ADA: variants seen among roughly 807,000 people sequenced by gnomAD.
ADA encodes the protein adenosine aminohydrolase.
In ADA, 45 loss-of-function variants were observed where a neutral mutation model predicts 49.0. That is an observed-to-expected ratio of 0.92 (90% CI 0.72 to 1.18). The LOEUF is 1.18. Among genes scored for constraint, ADA ranks in the 50% most tolerant of loss-of-function variants. The pLI is 0.00. For missense variants in ADA, 445 were observed against 472.5 expected (o/e 0.94, Z 0.54); for synonymous variants, 173 against 184.2 (o/e 0.94, Z 0.49).
chr20:44,641,197 G>C (rs2065530453), intron 1 of ADA, among the ~76,000 whole-genome samples: 1 of 152,158 alleles, frequency 6.6e-6, no homozygotes, highest in Non-Finnish European at 1.5e-5. Flanking sequence ...AGCACGGGAA[G>C]TTCTGGCCAG....
At chr20:44,645,644 C>A (rs2065584083) in intron 1 of ADA, among the ~76,000 whole-genome samples, 1 of 152,108 alleles carries the variant, frequency 6.6e-6, no homozygotes, top group South Asian at 2.1e-4. Context: ...AGGACCATTA[C>A]CAACCATGAT....
chr20:44,641,866 C>G (rs2145349704), intron 1 of ADA, among the ~76,000 whole-genome samples: 1 of 151,392 alleles, frequency 6.6e-6, no homozygotes, highest in South Asian at 2.1e-4. Flanking sequence ...CTCCCAGGTT[C>G]AAGGGATTCT....
chr20:44,642,650 C>A (rs909172039), intron 1 of ADA, among the ~76,000 whole-genome samples: 1 of 152,068 alleles, frequency 6.6e-6, no homozygotes, highest in Non-Finnish European at 1.5e-5. Context: ...GGGTTTTCCA[C>A]CCAAGTGTGT....
chr20:44,620,670 C>T (rs558585289), intron 10 of ADA: 30 of 574,560 alleles, frequency 5.2e-5, no homozygotes, highest in South Asian at 3.6e-4. Context: ...AGAGACACCT[C>T]GCAGACACGT....
Position 44,651,693 on chromosome 20 carries a change from G to A in ADA, c.-86C>T. 1.5e-6 allele frequency: 2 copies of A among 1,368,048 alleles called. No homozygotes were observed. The highest frequency in any genetic ancestry group is 9.4e-7 in the Non-Finnish European group (1 of 1,067,366). The allele number at this position is 1,368,048 out of a possible 1,614,324, so 84.7% of individuals were successfully genotyped here. On this transcript the variant is annotated 5_prime_UTR_variant, in exon 1 of 12. Transcript: ENST00000372874. ...TCGGTGGCCGCTCGGCTTTCCCTGG[G>A]GCCAGCGGTGGCCGCGGCCGGCCAC...
intron 5 of ADA, among the ~76,000 whole-genome samples, chr20:44,625,211 C>A (rs931241881): frequency 2.6e-5 from 4 of 152,138 alleles, no homozygotes; most frequent in African/African-American, 7.2e-5. Context: ...GGAAATCAGA[C>A]CTATTCAGGC....
At chr20:44,649,690 G>C (rs1433833925) in intron 1 of ADA, among the ~76,000 whole-genome samples, 2 of 145,456 alleles carry the variant, frequency 1.4e-5, no homozygotes, top group Non-Finnish European at 3.0e-5. Flanking sequence ...GGGCCCTGCT[G>C]TTCTCTCCAT....
intron 2 of ADA, among the ~76,000 whole-genome samples, chr20:44,634,243 G>A (rs1035468170): frequency 6.6e-6 from 1 of 152,220 alleles, no homozygotes; most frequent in Non-Finnish European, 1.5e-5. Context: ...GCAAGTTGGC[G>A]GCTTGACATG....
chr20:44,632,898 T>C (rs1261555575), intron 2 of ADA, among the ~76,000 whole-genome samples: 1 of 152,250 alleles, frequency 6.6e-6, no homozygotes, highest in East Asian at 1.9e-4. Flanking sequence ...TTCCCCATGT[T>C]GGCCACGCTG....
intron 2 of ADA, among the ~76,000 whole-genome samples, chr20:44,630,577 G>A (rs776430536): frequency 1.3e-5 from 2 of 152,152 alleles, no homozygotes; most frequent in African/African-American, 4.8e-5. Context: ...CAACTGTCAC[G>A]ATGTAAGAAA....
chr20:44,626,723 GCATCCACT>G, intron 3 of ADA, 124 bp from the exon 4 acceptor site: 2 of 1,203,596 alleles, frequency 1.7e-6, no homozygotes, highest in Non-Finnish European at 2.4e-6. Flanking sequence ...CAAGCTCTGG[GCATCCACT>G]GGATAAGATC....
intron 11 of ADA, among the ~76,000 whole-genome samples, 177 bp from the exon 12 acceptor site, chr20:44,620,024 C>T (rs996768622): frequency 1.3e-5 from 2 of 152,248 alleles, no homozygotes; most frequent in African/African-American, 4.8e-5. Context: ...TCTCCCTGCC[C>T]TTGGCTTTGG....
chr20:44,634,297 T>G (rs1385450328), intron 2 of ADA, among the ~76,000 whole-genome samples: 1 of 152,228 alleles, frequency 6.6e-6, no homozygotes, highest in Non-Finnish European at 1.5e-5. Context: ...TCACCCCACT[T>G]AGAGATATAA....
In ADA at chr20:44,626,505, G is replaced by A. The variant is rs201522960; in HGVS notation, c.313C>T (p.His105Tyr). The A allele has an allele frequency of 5.0e-6, 8 of 1,614,138 alleles. No individual in the cohort carries two copies. The Admixed American group carries it at 6.7e-5, about 13-fold the overall frequency. ...VVYVEVRYSP[H>Y]LLANSKVEPI... ...TCCACTTTGGAGTTGGCCAGCAGGT[G>A]CGGACTGTACCGCACCTCCACATAC... The change falls in exon 4 of 12, where the codon CAC becomes TAC. Residue 105 changes from histidine to tyrosine, a missense_variant. Coordinates refer to ENST00000372874, the MANE Select transcript of ADA (RefSeq NM_000022.4).
chr20:44,622,705 C>A (rs904398666), intron 8 of ADA, 53 bp from the exon 9 acceptor site: 2 of 1,613,244 alleles, frequency 1.2e-6, no homozygotes, highest in Non-Finnish European at 1.7e-6. Flanking sequence ...ATGCTGATTC[C>A]TCCCCCCATG....
rs573759609 is a variant in ADA at position 44,644,830 on chromosome 20, A to G, written c.33+6745T>C. Among the ~76,000 whole-genome samples, 10 of 152,340 alleles carry G rather than the reference A, an allele frequency of 6.6e-5. No homozygotes were observed. In the East Asian group the frequency reaches 1.9e-3, roughly 29 times the overall value. ...GTGTCTCCTGCTGACGGGGCCTGACAGCTCTGCTGCTGAGAGGTTTCACAG... is the reference window on the plus strand; with the variant it reads ...GTGTCTCCTGCTGACGGGGCCTGACGGCTCTGCTGCTGAGAGGTTTCACAG... On this transcript the variant is annotated intron_variant, in intron 1 of 11. Transcript: ENST00000372874.
intron 1 of ADA, among the ~76,000 whole-genome samples, chr20:44,647,635 T>C (rs117570569): frequency 6.6e-6 from 1 of 152,098 alleles, no homozygotes; most frequent in East Asian, 1.9e-4. Flanking sequence ...TAAAAGTTAC[T>C]AGCCGGGCAC....
chr20:44,619,783 C>T lies in ADA; in HGVS notation c.*51G>A. ...ATAAATGTAAAAATGTTGCTCAGCC[C>T]CACAGAGTTGGGGTGACTCCACAGG... On this transcript the variant is annotated 3_prime_UTR_variant, in exon 12 of 12. Transcript: ENST00000372874. 6.2e-7 allele frequency: 1 copy of T among 1,612,764 alleles called. No individual in the cohort carries two copies.
In ADA at chr20:44,622,999, G is replaced by GC. The variant is rs2065347505; in HGVS notation, c.678+7dup. The stretch of plus-strand genomic sequence containing the variant: ...AGGAGGGACCCCATGGCCAGCCCAG[G>GC]CCCTCACCTCTTTTACTACTTCGGC... On this transcript the variant is annotated splice_region_variant and intron_variant, in intron 7 of 11. Coordinates refer to ENST00000372874, the MANE Select transcript of ADA (RefSeq NM_000022.4). 1 of 1,614,182 alleles carries GC rather than the reference G, an allele frequency of 6.2e-7. No homozygotes were observed. Among genetic ancestry groups the GC allele is most frequent in the East Asian group, 2.2e-5 (1 of 44,874 alleles).
Sources: allele counts gnomAD v4.1 joint callset (sites outside exome capture counted in the v4.1 genomes callset), GRCh38; gene constraint gnomAD v4.1.1; transcripts MANE v1.5; gene names NCBI Gene and HGNC (gene_info 2026-07-23, HGNC 2026-07-21).